Variants in QKI observed in about 807,000 individuals in gnomAD.
The protein encoded by QKI is KH domain-containing RNA-binding protein QKI.
Under a neutral mutation model 39.0 loss-of-function variants are expected in QKI, and 10 were observed. That is an observed-to-expected ratio of 0.26 (90% CI 0.16 to 0.43). The LOEUF (loss-of-function observed/expected upper bound fraction) is 0.43, where lower values mean the gene tolerates loss of function less well. QKI is among the 20% of genes least tolerant of loss of function. QKI has a pLI of 1.00. For synonymous variants in QKI, 204 were observed against 155.4 expected (o/e 1.31, Z -2.33); for missense variants, 218 against 428.0 (o/e 0.51, Z 4.33).
At position 163,571,364 on chromosome 6, in the gene QKI, G is replaced by T. The variant is rs1195833333; in HGVS notation, c.*654G>T. On this transcript the variant is annotated 3_prime_UTR_variant, in exon 8 of 8. Coordinates refer to ENST00000361752, the MANE Select transcript of QKI (RefSeq NM_006775.3). The stretch of plus-strand genomic sequence containing the variant: ...AACTTAAGGAGTTTTGAAAAGTAAT[G>T]CAAATAACAAAACTGCAACACTATT... 1 of 152,098 alleles carries T rather than the reference G, an allele frequency of 6.6e-6. No homozygotes were observed. Among genetic ancestry groups the T allele is most frequent in the Non-Finnish European group, 1.5e-5 (1 of 68,010 alleles). 9.4% of individuals were successfully genotyped at this position (152,098 alleles called of 1,614,324 possible).
At chr6:163,415,997 T>G (rs1207312596) in intron 1 of QKI, 5 of 466,868 alleles carry the variant, frequency 1.1e-5, no homozygotes, top group Non-Finnish European at 2.1e-5. Context: ...AGCACTTTTT[T>G]CCCTTTTGTT....
chr6:163,452,361 T>TA (rs1165469813), intron 1 of QKI, among the ~76,000 whole-genome samples: 1 of 152,214 alleles, frequency 6.6e-6, no homozygotes, highest in Non-Finnish European at 1.5e-5. Context: ...TGTGTTCTGT[T>TA]ATGAAATTGA....
intron 3 of QKI, among the ~76,000 whole-genome samples, chr6:163,507,370 A>T (rs73784435): frequency 5.3e-5 from 8 of 152,362 alleles, no homozygotes; most frequent in African/African-American, 1.9e-4. Flanking sequence ...AATATGCACG[A>T]TAAAAACCAG....
In QKI at chr6:163,578,189, C is replaced by CTA. The variant is rs1222804115; in HGVS notation, c.*7482_*7483dup. On this transcript the variant is annotated 3_prime_UTR_variant, in exon 8 of 8. Coordinates refer to ENST00000361752, the MANE Select transcript of QKI (RefSeq NM_006775.3). ...CTACTGTAGTCTGTTTTAAAGTATG[C>CTA]TATACTATGTTCATTGGTTACTTAA... is the stretch of plus-strand genomic sequence containing the variant. 2 of 152,028 alleles carry CTA rather than the reference C, an allele frequency of 1.3e-5. No homozygotes were observed. The highest frequency in any genetic ancestry group is 4.8e-5 in the African/African-American group (2 of 41,384). The allele number at this position is 152,028 out of a possible 1,614,324, so 9.4% of individuals were successfully genotyped here. A position where few individuals can be genotyped will look rare whatever the true frequency, so the allele number is the denominator to read the frequency against.
chr6:163,577,559 G>C lies in QKI; in HGVS notation c.*6849G>C, dbSNP rs1201519110. ...TAATTAAACGGTCCCCTGAAGCCAA[G>C]TATTCCCTGGTTAGTCGCCACCCCA... On this transcript the variant is annotated 3_prime_UTR_variant, in exon 8 of 8. Coordinates refer to ENST00000361752, the MANE Select transcript of QKI (RefSeq NM_006775.3). The C allele has an allele frequency of 1.3e-5, 2 of 152,508 alleles. No individual in the cohort carries two copies. Among genetic ancestry groups the C allele is most frequent in the African/African-American group, 4.8e-5 (2 of 41,428 alleles). 9.4% of individuals were successfully genotyped at this position (152,508 alleles called of 1,614,324 possible). A position where few individuals can be genotyped will look rare whatever the true frequency, so the allele number is the denominator to read the frequency against.
chr6:163,487,406 A>G (rs983314977), intron 3 of QKI, among the ~76,000 whole-genome samples: 1 of 152,332 alleles, frequency 6.6e-6, no homozygotes, highest in South Asian at 2.1e-4. Flanking sequence ...AGCTATCTCT[A>G]AAATAGAACT....
At chr6:163,466,563 T>C (rs551992147) in intron 2 of QKI, among the ~76,000 whole-genome samples, 1 of 152,156 alleles carries the variant, frequency 6.6e-6, no homozygotes, top group South Asian at 2.1e-4. Flanking sequence ...ATCTCAGAAA[T>C]AAACCTATGA....
chr6:163,535,041 A>C lies in QKI; in HGVS notation c.462A>C (p.Leu154=), dbSNP rs1781110803. 1.9e-6 allele frequency: 3 copies of C among 1,612,354 alleles called. No individual in the cohort carries two copies. The highest frequency in any genetic ancestry group is 2.5e-6 in the Non-Finnish European group (3 of 1,179,162). ...ATCTAAATGAAGATTTACATGTACTAATCACTGTGGAAGATGCTCAGAACA... is the reference window on the plus strand; with the variant it reads ...ATCTAAATGAAGATTTACATGTACTCATCACTGTGGAAGATGCTCAGAACA... ...WEHLNEDLHV[L]ITVEDAQNRA... Residue 154 remains leucine, a synonymous_variant, in exon 4 of 8, where the codon CTA becomes CTC. Coordinates refer to ENST00000361752, the MANE Select transcript of QKI (RefSeq NM_006775.3).
chr6:163,553,612 C>A (rs1703379520), intron 4 of QKI, among the ~76,000 whole-genome samples: 1 of 151,822 alleles, frequency 6.6e-6, no homozygotes, highest in African/African-American at 2.4e-5. Flanking sequence ...TCATATAAAT[C>A]CTTCAGAAGT....
At chr6:163,492,921 T>G (rs1195072304) in intron 3 of QKI, among the ~76,000 whole-genome samples, 1 of 152,140 alleles carries the variant, frequency 6.6e-6, no homozygotes, top group East Asian at 1.9e-4. Flanking sequence ...CTGAACCTCA[T>G]CTTTTATAAC....
At chr6:163,446,866 G>A (rs1011128617) in intron 1 of QKI, among the ~76,000 whole-genome samples, 17 of 152,140 alleles carry the variant, frequency 1.1e-4, no homozygotes, top group Non-Finnish European at 1.9e-4. Flanking sequence ...GGCAGTATCC[G>A]TTTATTCATT....
intron 3 of QKI, among the ~76,000 whole-genome samples, chr6:163,480,151 A>G (rs1206460119): frequency 6.6e-6 from 1 of 152,116 alleles, no homozygotes; most frequent in Admixed American, 6.5e-5. Context: ...GATAGTTTTG[A>G]ATTTCTATTC....
intron 4 of QKI, among the ~76,000 whole-genome samples, chr6:163,547,212 G>T (rs890304744): frequency 2.0e-5 from 3 of 152,014 alleles, no homozygotes; most frequent in Admixed American, 6.6e-5. Context: ...AGCGTTGAAC[G>T]ACTGACAAAA....
chr6:163,457,146 C>T (rs924436095), intron 2 of QKI, among the ~76,000 whole-genome samples: 3 of 151,976 alleles, frequency 2.0e-5, no homozygotes, highest in African/African-American at 4.8e-5. Flanking sequence ...CTTATTTAAA[C>T]GTTAAGGGAT....
At chr6:163,564,904 C>T (rs1783258895) in intron 6 of QKI, 1 of 1,369,548 alleles carries the variant, frequency 7.3e-7, no homozygotes, top group African/African-American at 1.5e-5. Context: ...TTTTTTTTCC[C>T]CAGCATTAAT....
At chr6:163,527,596 T>C (rs1363590083) in intron 3 of QKI, among the ~76,000 whole-genome samples, 1 of 152,190 alleles carries the variant, frequency 6.6e-6, no homozygotes, top group African/African-American at 2.4e-5. Context: ...AGAATCCCTT[T>C]GTTGTTCAAA....
intron 1 of QKI, among the ~76,000 whole-genome samples, chr6:163,437,846 G>A (rs982537261): frequency 2.6e-5 from 4 of 151,916 alleles, no homozygotes; most frequent in Admixed American, 6.6e-5. Context: ...ATTCATTTGT[G>A]GTTAAACTAA....
chr6:163,422,080 T>C (rs932683585), intron 1 of QKI, among the ~76,000 whole-genome samples: 4 of 152,216 alleles, frequency 2.6e-5, no homozygotes, highest in Non-Finnish European at 4.4e-5. Context: ...AACTGTTTAT[T>C]ACTGTGCTTT....
At chr6:163,475,917 G>A (rs369522847) in intron 2 of QKI, among the ~76,000 whole-genome samples, 1 of 152,010 alleles carries the variant, frequency 6.6e-6, no homozygotes, top group East Asian at 1.9e-4. Flanking sequence ...GTCATCATAA[G>A]ACACCATTAA....
Sources: allele counts gnomAD v4.1 joint callset (sites outside exome capture counted in the v4.1 genomes callset), GRCh38; gene constraint gnomAD v4.1.1; transcripts MANE v1.5; gene names NCBI Gene and HGNC (gene_info 2026-07-23, HGNC 2026-07-21).